The following STK31 variants were observed in gnomAD, a reference collection of about 807,000 sequenced individuals.
The protein encoded by STK31 is serine/threonine-protein kinase 31.
Under a neutral mutation model 129.7 loss-of-function variants are expected in STK31, and 89 were observed. The ratio of observed to expected loss-of-function variants is 0.69; its 90% CI spans 0.58 to 0.82. The LOEUF (loss-of-function observed/expected upper bound fraction) is 0.82, where lower values mean the gene tolerates loss of function less well. STK31 is among the 40% of genes least tolerant of loss of function. The pLI is 0.00. For missense variants in STK31, 1,187 were observed against 1,176.4 expected (o/e 1.01, Z -0.13); for synonymous variants, 448 against 395.3 (o/e 1.13, Z -1.58).
intron 22 of STK31, among the ~76,000 whole-genome samples, chr7:23,796,959 C>G (rs1022505880): frequency 7.9e-5 from 12 of 151,844 alleles, no homozygotes; most frequent in Non-Finnish European, 1.6e-4. Flanking sequence ...GCAGGGATTG[C>G]AATCCTAGTC....
chr7:23,792,580 T>G (rs1052650734), intron 22 of STK31, among the ~76,000 whole-genome samples: 2 of 152,164 alleles, frequency 1.3e-5, no homozygotes, highest in Admixed American at 6.5e-5. Context: ...GCTGGTAGAT[T>G]TTGCTTATTT....
intron 13 of STK31, 125 bp from the exon 14 acceptor site, chr7:23,770,880 C>T: frequency 1.0e-6 from 1 of 998,526 alleles, no homozygotes; most frequent in East Asian, 2.7e-5. Context: ...TGTTTAAGAA[C>T]TGTTTTGAAA....
chr7:23,719,059 A>G (rs1488763041), intron 4 of STK31, among the ~76,000 whole-genome samples: 4 of 152,022 alleles, frequency 2.6e-5, no homozygotes, highest in Admixed American at 2.6e-4. Flanking sequence ...GCCCTTTGGA[A>G]GGGGTCTTGT....
chr7:23,714,087 CG>C (rs1584311923), intron 3 of STK31, among the ~76,000 whole-genome samples: 1 of 152,030 alleles, frequency 6.6e-6, no homozygotes, highest in African/African-American at 2.4e-5. Context: ...TATAATCTTA[CG>C]GGACTACTGT....
At chr7:23,756,868 G>C (rs1789118927) in intron 10 of STK31, among the ~76,000 whole-genome samples, 1 of 152,160 alleles carries the variant, frequency 6.6e-6, no homozygotes, top group Admixed American at 6.5e-5. Flanking sequence ...TAAGTTTTTT[G>C]ATGTGCTGCG....
At chr7:23,713,164 C>T (rs980480294) in intron 3 of STK31, among the ~76,000 whole-genome samples, 1 of 152,120 alleles carries the variant, frequency 6.6e-6, no homozygotes, top group Non-Finnish European at 1.5e-5. Flanking sequence ...GATGATATAG[C>T]CTACCACATA....
chr7:23,723,423 T>TG (rs777728299), intron 4 of STK31, among the ~76,000 whole-genome samples: 1 of 152,134 alleles, frequency 6.6e-6, no homozygotes, highest in African/African-American at 2.4e-5. Flanking sequence ...ATTTTTTTTA[T>TG]GGGGGGATTA....
intron 1 of STK31, among the ~76,000 whole-genome samples, chr7:23,711,658 A>T (rs372380839): frequency 6.6e-6 from 1 of 152,208 alleles, no homozygotes; most frequent in African/African-American, 2.4e-5. Flanking sequence ...ATCTTCAAAA[A>T]TAGTAACCAC....
chr7:23,801,004 G>A (rs1227582922), intron 22 of STK31, among the ~76,000 whole-genome samples: 1 of 152,162 alleles, frequency 6.6e-6, no homozygotes, highest in African/African-American at 2.4e-5. Context: ...TGCAGATAAA[G>A]CTACTGTGAA....
chr7:23,749,380 T>G (rs1371973514), intron 8 of STK31, among the ~76,000 whole-genome samples: 1 of 150,808 alleles, frequency 6.6e-6, no homozygotes, highest in African/African-American at 2.4e-5. Flanking sequence ...TCTTGCCCTG[T>G]TGTCTAGTCT....
At chr7:23,793,875 C>G (rs185704114) in intron 22 of STK31, among the ~76,000 whole-genome samples, 1 of 152,256 alleles carries the variant, frequency 6.6e-6, no homozygotes, top group Non-Finnish European at 1.5e-5. Context: ...AATTCCACTT[C>G]TAGATATTTA....
chr7:23,788,722 G>A (rs1427348879), intron 21 of STK31, among the ~76,000 whole-genome samples: 2 of 151,992 alleles, frequency 1.3e-5, no homozygotes, highest in African/African-American at 2.4e-5. Context: ...AATAAAAATT[G>A]TATATATTTA....
chr7:23,716,956 G>A (rs1015307096), intron 3 of STK31, among the ~76,000 whole-genome samples: 4 of 151,138 alleles, frequency 2.6e-5, no homozygotes, highest in Non-Finnish European at 5.9e-5. Context: ...TACCATGCCC[G>A]GCTAATCTTT....
At chr7:23,787,166 T>C (rs908873791) in intron 20 of STK31, among the ~76,000 whole-genome samples, 3 of 152,156 alleles carry the variant, frequency 2.0e-5, no homozygotes, top group African/African-American at 7.2e-5. Context: ...GACTCGAAAT[T>C]AAGTCTTTCT....
intron 13 of STK31, among the ~76,000 whole-genome samples, chr7:23,770,774 T>TA (rs1790133381): frequency 6.6e-6 from 1 of 152,164 alleles, no homozygotes; most frequent in African/African-American, 2.4e-5. Context: ...CTCAGCTAAT[T>TA]AAAAATTTTT....
chr7:23,827,612 T>C (rs1256670065), intron 23 of STK31, among the ~76,000 whole-genome samples: 1 of 152,252 alleles, frequency 6.6e-6, no homozygotes, highest in Non-Finnish European at 1.5e-5. Flanking sequence ...AGTCATTCTC[T>C]GTCCAGCTTT....
intron 22 of STK31, among the ~76,000 whole-genome samples, chr7:23,805,125 G>T (rs886720395): frequency 6.6e-6 from 1 of 151,798 alleles, no homozygotes; most frequent in Non-Finnish European, 1.5e-5. Context: ...GCCCAGGCTA[G>T]GGTGCAGTGG....
chr7:23,750,987 G>GT (rs749687943), intron 8 of STK31, among the ~76,000 whole-genome samples: 1 of 152,172 alleles, frequency 6.6e-6, no homozygotes, highest in African/African-American at 2.4e-5. Context: ...CTAACTGCGT[G>GT]TTTGTACTTA....
rs145405277 is a variant in STK31, at chr7:23,778,590, A to G, written c.1966-2829A>G. Among the ~76,000 whole-genome samples the G allele has an allele frequency of 4.3e-3, 648 of 151,762 alleles. 10 individuals carry two copies. The highest frequency in any genetic ancestry group is 0.014 in the African/African-American group (587 of 41,360). ...CTTTATTTCATTAAGTTGATCTTCA[A>G]TGTCTGATATCCTTTCTTCTGCTTG... On this transcript the variant is annotated intron_variant, in intron 15 of 23. Coordinates refer to ENST00000355870, the MANE Select transcript of STK31 (RefSeq NM_031414.5).
Sources: gnomAD v4.1 joint callset for allele counts (sites outside exome capture counted in the v4.1 genomes callset) on GRCh38, gnomAD v4.1.1 for gene constraint, MANE v1.5 for transcripts, NCBI Gene and HGNC (gene_info 2026-07-23, HGNC 2026-07-21) for gene names.